FLI1: variants seen among roughly 807,000 people sequenced by gnomAD.
The protein encoded by FLI1 is Fli-1 proto-oncogene, ETS transcription factor.
In FLI1, 13 loss-of-function variants were observed where a neutral mutation model predicts 53.1. The observed-to-expected ratio is 0.24, with a 90% confidence interval of 0.16 to 0.39. FLI1 has a LOEUF of 0.39. FLI1 is among the 10% of genes least tolerant of loss of function. The pLI is 1.00. For synonymous variants in FLI1, 244 were observed against 236.7 expected (o/e 1.03, Z -0.28); for missense variants, 424 against 600.5 (o/e 0.71, Z 3.07).
chr11:128,802,731 A>G (rs1591387226), intron 5 of FLI1, among the ~76,000 whole-genome samples: 1 of 152,368 alleles, frequency 6.6e-6, no homozygotes, highest in South Asian at 2.1e-4. Context: ...GGCACCACAG[A>G]AAGATGGGCC....
chr11:128,771,168 C>T (rs991105373), intron 3 of FLI1, among the ~76,000 whole-genome samples: 1 of 152,190 alleles, frequency 6.6e-6, no homozygotes, highest in Non-Finnish European at 1.5e-5. Flanking sequence ...ATAGGGCTCG[C>T]GGAGCAGGTG....
intron 1 of FLI1, among the ~76,000 whole-genome samples, chr11:128,757,407 T>G (rs1449523846): frequency 2.6e-5 from 4 of 152,024 alleles, no homozygotes; most frequent in Non-Finnish European, 5.9e-5. Flanking sequence ...GGCTGAGTCA[T>G]CAACATTGAG....
Position 128,786,606 on chromosome 11 carries a change from C to T in FLI1, c.655+4583C>T, listed in dbSNP as rs890426951. On this transcript the variant is annotated intron_variant, in intron 5 of 8. Transcript: ENST00000527786. ...CTACTGACTTTCCACACCTTGTTCTCTCCCGTCCTCCAGGCTGCAGATGTG... is the reference window on the plus strand; with the variant it reads ...CTACTGACTTTCCACACCTTGTTCTTTCCCGTCCTCCAGGCTGCAGATGTG... 4.6e-5 allele frequency among the ~76,000 whole-genome samples: 7 copies of T among 152,172 alleles called. No homozygotes were observed. In the East Asian group the frequency reaches 1.4e-3, roughly 29 times the overall value.
In FLI1 at chr11:128,810,386, A is replaced by G. The variant is rs1035700404; in HGVS notation, c.830-73A>G. 4.2e-6 allele frequency: 6 copies of G among 1,433,634 alleles called. No homozygotes were observed. The highest frequency in any genetic ancestry group is 1.5e-5 in the African/African-American group (1 of 68,892). The allele number at this position is 1,433,634 out of a possible 1,614,324, so 88.8% of individuals were successfully genotyped here. ...TTTAAAAGGATGAGAAGCTCCCTGC[A>G]TTTAGGGAACTGGGTTCTGCCTTCT... is the stretch of plus-strand genomic sequence containing the variant. On this transcript the variant is annotated intron_variant, in intron 8 of 8. Coordinates refer to ENST00000527786, the MANE Select transcript of FLI1 (RefSeq NM_002017.5). This position sits in a 1 kb window ranked among gnomAD's most constrained non-coding sequence, Gnocchi z 6.6.
chr11:128,729,813 G>A (rs1327471622), intron 1 of FLI1, among the ~76,000 whole-genome samples: 2 of 152,186 alleles, frequency 1.3e-5, no homozygotes, highest in African/African-American at 4.8e-5. Context: ...GAGATGGGAA[G>A]CATTTTGACC....
chr11:128,696,972 C>T (rs1274683590), intron 1 of FLI1, among the ~76,000 whole-genome samples: 1 of 152,044 alleles, frequency 6.6e-6, no homozygotes, highest in Non-Finnish European at 1.5e-5. Context: ...CTTATAAGTC[C>T]CTCCATATTA....
intron 4 of FLI1, among the ~76,000 whole-genome samples, chr11:128,778,901 T>G (rs1941826153): frequency 6.6e-6 from 1 of 152,268 alleles, no homozygotes; most frequent in South Asian, 2.1e-4. Flanking sequence ...CCTGGGGAAC[T>G]AATGAAGTAG....
At position 128,695,919 on chromosome 11, in the gene FLI1, G is replaced by A. The variant is rs1055016401; in HGVS notation, c.18+1643G>A. On this transcript the variant is annotated intron_variant, in intron 1 of 8. Transcript: ENST00000527786. ...CAGGACAGTTACCACTTACTCTGAA[G>A]GCCTCTTCTGATCCAGAAGGGTGGT... The A allele has an allele frequency of 7.9e-5, 12 of 152,348 alleles. 1 individual carries two copies. Among genetic ancestry groups the A allele is most frequent in the South Asian group, 4.1e-4 (2 of 4,824 alleles). 9.4% of individuals were successfully genotyped at this position (152,348 alleles called of 1,614,324 possible).
intron 1 of FLI1, among the ~76,000 whole-genome samples, chr11:128,737,933 A>C (rs936438684): frequency 6.6e-6 from 1 of 152,166 alleles, no homozygotes; most frequent in Non-Finnish European, 1.5e-5. Context: ...TATGGACTTA[A>C]ATGGTCATCA....
chr11:128,742,552 A>T (rs1363825550), intron 1 of FLI1, among the ~76,000 whole-genome samples: 1 of 152,234 alleles, frequency 6.6e-6, no homozygotes, highest in Non-Finnish European at 1.5e-5. Flanking sequence ...GTGGCTTTTT[A>T]AATTCAAATG....
chr11:128,786,214 G>A (rs1422099124), intron 5 of FLI1, among the ~76,000 whole-genome samples: 1 of 152,152 alleles, frequency 6.6e-6, no homozygotes, highest in Non-Finnish European at 1.5e-5. Flanking sequence ...AGAGAGAAAT[G>A]AGGCCCATGT....
At chr11:128,757,523 G>A (rs186320803) in intron 1 of FLI1, among the ~76,000 whole-genome samples, 3 of 152,178 alleles carry the variant, frequency 2.0e-5, no homozygotes, top group Middle Eastern at 6.8e-3. Context: ...TCCACCTATC[G>A]ACTCTGTGCT....
intron 1 of FLI1, among the ~76,000 whole-genome samples, chr11:128,736,393 A>C (rs868595278): frequency 4.4e-4 from 67 of 152,366 alleles, no homozygotes; most frequent in African/African-American, 1.6e-3. Flanking sequence ...CTGAAACCCT[A>C]GAGGCCACAG....
intron 2 of FLI1, among the ~76,000 whole-genome samples, chr11:128,765,612 G>A (rs1031888724): frequency 2.6e-5 from 4 of 152,178 alleles, no homozygotes; most frequent in Admixed American, 1.3e-4. Context: ...AGGGAAGAGC[G>A]TGCAGTGTGG....
At chr11:128,807,556 T>C (rs536209536) in intron 7 of FLI1, among the ~76,000 whole-genome samples, 1 of 152,216 alleles carries the variant, frequency 6.6e-6, no homozygotes, top group South Asian at 2.1e-4. Flanking sequence ...ATGAAAGAAA[T>C]AGGGCTACAA....
At chr11:128,780,565 A>G (rs1294558290) in intron 4 of FLI1, among the ~76,000 whole-genome samples, 3 of 152,196 alleles carry the variant, frequency 2.0e-5, no homozygotes, top group African/African-American at 7.2e-5. Context: ...ATTGCACTCC[A>G]GCCTGGGCAA....
chr11:128,771,133 TA>T (rs1941538300), intron 3 of FLI1, among the ~76,000 whole-genome samples: 1 of 152,180 alleles, frequency 6.6e-6, no homozygotes, highest in East Asian at 1.9e-4. Context: ...ATGGGGATAT[TA>T]AAAGATTTCC....
intron 5 of FLI1, among the ~76,000 whole-genome samples, chr11:128,790,268 C>CTTTTTT (rs1942231689): frequency 1.4e-5 from 1 of 73,422 alleles, no homozygotes; most frequent in African/African-American, 7.8e-5. Flanking sequence ...TTTTTTTTTC[C>CTTTTTT]ACGAGAGAGA....
At chr11:128,744,324 G>A (rs1940279202) in intron 1 of FLI1, among the ~76,000 whole-genome samples, 1 of 152,198 alleles carries the variant, frequency 6.6e-6, no homozygotes, top group South Asian at 2.1e-4. Flanking sequence ...AGACCTGGAA[G>A]GGATCTTACG....
Sources: gnomAD v4.1 joint callset for allele counts (sites outside exome capture counted in the v4.1 genomes callset) on GRCh38, gnomAD v4.1.1 for gene constraint, Gnocchi (gnomAD v3.1) non-coding constraint, MANE v1.5 for transcripts, NCBI Gene and HGNC (gene_info 2026-07-23, HGNC 2026-07-21) for gene names.